The following ESS2 variants were observed in gnomAD, a reference collection of about 807,000 sequenced individuals.
ESS2 encodes the protein splicing factor ESS-2 homolog.
ESS2 carries 31 observed loss-of-function variants against 52.0 expected under a neutral mutation model. That is an observed-to-expected ratio of 0.60 (90% CI 0.45 to 0.81). The LOEUF (loss-of-function observed/expected upper bound fraction) is 0.81. Among genes scored for constraint, ESS2 ranks in the 30% least tolerant of loss-of-function variants. The probability of loss-of-function intolerance (pLI) is 0.00; values close to 1 mark genes in which losing one functional copy is unlikely to be tolerated. For missense variants in ESS2, 602 were observed against 637.2 expected, an observed-to-expected ratio of 0.94 and a Z score of 0.59; for synonymous variants, 285 against 259.2, an observed-to-expected ratio of 1.10 and a Z score of -0.95.
At chr22:19,134,515 G>T in intron 9 of ESS2, 40 bp from the exon 10 acceptor site, 1 of 1,483,234 alleles carries the variant, frequency 6.7e-7, no homozygotes, top group Non-Finnish European at 8.9e-7. Context: ...GGGTTAGGTG[G>T]GCTGAGAGCT....
At position 19,131,497 on chromosome 22, in the gene ESS2, G is replaced by C. The variant is rs138403912; in HGVS notation, c.*2699C>G. On this transcript the variant is annotated 3_prime_UTR_variant, in exon 10 of 10. Transcript: ENST00000252137. This position sits in a 1 kb window ranked among gnomAD's most constrained non-coding sequence, Gnocchi z 5.7. ...AAAGTCAAATCTGCCTACTCTGAGC[G>C]CCTCAAGTTCAATGTGGCTGTCAAG... 1 of 1,614,102 alleles carries C rather than the reference G, an allele frequency of 6.2e-7. No individual in the cohort carries two copies. The highest frequency in any genetic ancestry group is 8.5e-7 in the Non-Finnish European group (1 of 1,180,014).
At position 19,133,896 on chromosome 22, in the gene ESS2, G is replaced by A. The variant is rs576042131; in HGVS notation, c.*300C>T. On this transcript the variant is annotated 3_prime_UTR_variant, in exon 10 of 10. Transcript: ENST00000252137. ...TGATGCAGGCCCCAGGGCAAGGCTA[G>A]GGCTCGTGTGGGGAGCAAGATGGAG... The A allele has an allele frequency of 3.2e-6, 1 of 310,008 alleles. No homozygotes were observed. Among genetic ancestry groups the A allele is most frequent in the Non-Finnish European group, 5.9e-6 (1 of 170,680 alleles). 19.2% of individuals were successfully genotyped at this position (310,008 alleles called of 1,614,324 possible).
intron 1 of ESS2, among the ~76,000 whole-genome samples, chr22:19,143,633 A>G (rs1287624916): frequency 6.6e-6 from 1 of 152,118 alleles, no homozygotes; most frequent in Non-Finnish European, 1.5e-5. Context: ...AGGCGGGCGG[A>G]TCACCTGAGG....
chr22:19,131,785 A>ACCTGGACAT lies in ESS2; in HGVS notation c.*2402_*2410dup, dbSNP rs2083510245. ...TCCTCCGCCGTCAAGTACTGCCACG[A>ACCTGGACAT]CCTGGACATCGTCCACCGGGACCTC... On this transcript the variant is annotated 3_prime_UTR_variant, in exon 10 of 10. Transcript: ENST00000252137. The surrounding 1 kb of genome is among the most constrained non-coding windows in gnomAD (Gnocchi z 5.7). 2 of 1,614,018 alleles carry ACCTGGACAT rather than the reference A, an allele frequency of 1.2e-6. No individual in the cohort carries two copies. The highest frequency in any genetic ancestry group is 1.7e-6 in the Non-Finnish European group (2 of 1,180,028).
At position 19,131,312 on chromosome 22, in the gene ESS2, G is replaced by C; in HGVS notation, c.*2884C>G. On this transcript the variant is annotated 3_prime_UTR_variant, in exon 10 of 10. Coordinates refer to ENST00000252137, the MANE Select transcript of ESS2 (RefSeq NM_022719.3). This position sits in a 1 kb window ranked among gnomAD's most constrained non-coding sequence, Gnocchi z 5.7. ...CCAGCCCAGGGCAGCCCAGCCAGAC[G>C]CCTCCGGTAGTGTAAATGAGGACAA... is the stretch of plus-strand genomic sequence containing the variant. 1 of 1,220,364 alleles carries C rather than the reference G, an allele frequency of 8.2e-7. No homozygotes were observed. The highest frequency in any genetic ancestry group is 1.2e-6 in the Non-Finnish European group (1 of 863,768). 75.6% of individuals were successfully genotyped at this position (1,220,364 alleles called of 1,614,324 possible). A position where few individuals can be genotyped will look rare whatever the true frequency, so the allele number is the denominator to read the frequency against.
intron 3 of ESS2, among the ~76,000 whole-genome samples, chr22:19,141,089 C>A (rs1435854721): frequency 6.6e-6 from 1 of 150,392 alleles, no homozygotes; most frequent in East Asian, 1.9e-4. Context: ...TAAAACCAGC[C>A]TGGGCAACAT....
intron 7 of ESS2, 153 bp downstream of exon 7, chr22:19,138,062 G>C (rs1385505949): frequency 2.0e-6 from 2 of 985,308 alleles, no homozygotes; most frequent in African/African-American, 3.5e-5. Context: ...CTGGCCTCTA[G>C]GGCCTTGTAC....
intron 8 of ESS2, among the ~76,000 whole-genome samples, chr22:19,135,724 C>G (rs1015961946): frequency 1.3e-5 from 2 of 152,158 alleles, no homozygotes; most frequent in Non-Finnish European, 2.9e-5. Context: ...GAAAGTCCCT[C>G]CTAACTTAAG....
Position 19,142,548 on chromosome 22 carries a change from G to A in ESS2, c.390C>T (p.Gly130=), listed in dbSNP as rs766153067. The change falls in exon 3 of 10, where the codon GGC becomes GGT. Residue 130 remains glycine (G), a synonymous_variant. Transcript: ENST00000252137. ...GGCACCCTCACTCACCATCCTCCAG[G>A]CCTCGGCCGCGGGGCCTGGGCTTGT... ...VGNKPRPRGR[G]LEDGEAGEEE... is the part of the protein sequence containing the mutation. 1 of 1,605,868 alleles carries A rather than the reference G, an allele frequency of 6.2e-7. No individual in the cohort carries two copies. The highest frequency in any genetic ancestry group is 1.1e-5 in the South Asian group (1 of 89,892).
chr22:19,142,436 AG>A lies in ESS2; in HGVS notation c.400+101del, dbSNP rs2083702984. 6.7e-6 allele frequency: 7 copies of A among 1,041,360 alleles called. No individual in the cohort carries two copies. The East Asian group carries it at 1.7e-4, about 26-fold the overall frequency. 64.5% of individuals were successfully genotyped at this position (1,041,360 alleles called of 1,614,324 possible). On this transcript the variant is annotated intron_variant, in intron 3 of 9. Coordinates refer to ENST00000252137, the MANE Select transcript of ESS2 (RefSeq NM_022719.3). ...ATTTACGCAAGACCCCTCAGGAACA[AG>A]ATGTGGCCTGCAGCCCTCTGGACCA... is the stretch of plus-strand genomic sequence containing the variant.
intron 9 of ESS2, among the ~76,000 whole-genome samples, chr22:19,134,818 T>C (rs1240273333): frequency 6.6e-6 from 1 of 152,054 alleles, no homozygotes; most frequent in African/African-American, 2.4e-5. Flanking sequence ...CGCCTAAAGA[T>C]GCCTCTTAGG....
At position 19,144,497 on chromosome 22, in the gene ESS2, A is replaced by C. The variant is rs2083750454; in HGVS notation, c.135+9T>G. The C allele has an allele frequency of 6.2e-7, 1 of 1,611,414 alleles. No homozygotes were observed. The highest frequency in any genetic ancestry group is 1.3e-5 in the African/African-American group (1 of 74,824). On this transcript the variant is annotated intron_variant, in intron 1 of 9. Transcript: ENST00000252137. The stretch of plus-strand genomic sequence containing the variant: ...CCAGAAGTCGCCGGCGTCCGCACCG[A>C]GGTCGTACCTCGATATACTCTTCCT...
At chr22:19,141,399 C>T (rs900871323) in intron 3 of ESS2, among the ~76,000 whole-genome samples, 4 of 152,212 alleles carry the variant, frequency 2.6e-5, no homozygotes. Flanking sequence ...GAGGGCCTGA[C>T]AACGCAGAAG....
At chr22:19,135,735 A>T (rs2083570127) in intron 8 of ESS2, among the ~76,000 whole-genome samples, 1 of 152,192 alleles carries the variant, frequency 6.6e-6, no homozygotes, top group Non-Finnish European at 1.5e-5. Flanking sequence ...CTAACTTAAG[A>T]TTAGACTACA....
In ESS2 at chr22:19,131,969, C is replaced by A; in HGVS notation, c.*2227G>T. On this transcript the variant is annotated 3_prime_UTR_variant, in exon 10 of 10. Coordinates refer to ENST00000252137, the MANE Select transcript of ESS2 (RefSeq NM_022719.3). The surrounding 1 kb of genome is among the most constrained non-coding windows in gnomAD (Gnocchi z 5.7). Reference sequence around the variant, plus strand: ...CAGCCCCCGAGGTGCTGCAGAGCATCCCCTACCAGCCCAAGGTGTATGACA... The same window carrying A: ...CAGCCCCCGAGGTGCTGCAGAGCATACCCTACCAGCCCAAGGTGTATGACA... The A allele has an allele frequency of 1.2e-6, 2 of 1,614,204 alleles. No individual in the cohort carries two copies. The highest frequency in any genetic ancestry group is 1.7e-6 in the Non-Finnish European group (2 of 1,180,040).
intron 3 of ESS2, among the ~76,000 whole-genome samples, chr22:19,140,269 C>G (rs1397002426): frequency 6.6e-6 from 1 of 152,182 alleles, no homozygotes; most frequent in Non-Finnish European, 1.5e-5. Flanking sequence ...TGCTCATGTG[C>G]TGGATGCCAA....
At chr22:19,140,265 T>C (rs2083662267) in intron 3 of ESS2, among the ~76,000 whole-genome samples, 1 of 152,192 alleles carries the variant, frequency 6.6e-6, no homozygotes, top group African/African-American at 2.4e-5. Flanking sequence ...GCTCTGCTCA[T>C]GTGCTGGATG....
In ESS2 at chr22:19,135,113, C is replaced by T. The variant is rs1974854271; in HGVS notation, c.1098G>A (p.Lys366=). 1.2e-6 allele frequency: 2 copies of T among 1,614,056 alleles called. No individual in the cohort carries two copies. The highest frequency in any genetic ancestry group is 3.3e-5 in the Admixed American group (2 of 60,008). The change falls in exon 9 of 10, where the codon AAG becomes AAA. Residue 366 remains lysine (K), a synonymous_variant. Transcript: ENST00000252137. Reference sequence around the variant, plus strand: ...AGGCTTCCTGCTTCTTGGCCCGGTTCTTGGCAGCGGCCTCGTTGGCCATCT... The same window carrying T: ...AGGCTTCCTGCTTCTTGGCCCGGTTTTTGGCAGCGGCCTCGTTGGCCATCT... The part of the protein sequence containing the change: ...GLKMANEAAA[K]NRAKKQEALR...
intron 1 of ESS2, chr22:19,144,238 A>C: frequency 8.1e-7 from 1 of 1,239,754 alleles, no homozygotes; most frequent in Non-Finnish European, 1.0e-6. Context: ...TCAAACTCCT[A>C]CTCACACTTT....
Sources: allele counts gnomAD v4.1 joint callset (sites outside exome capture counted in the v4.1 genomes callset), GRCh38; gene constraint gnomAD v4.1.1; non-coding constraint Gnocchi (gnomAD v3.1); transcripts MANE v1.5; gene names NCBI Gene and HGNC (gene_info 2026-07-23, HGNC 2026-07-21).